Variants in PLA2G4C observed in about 807,000 individuals in gnomAD.
The protein encoded by PLA2G4C is phospholipase A2 group IVC.
Under a neutral mutation model 73.8 loss-of-function variants are expected in PLA2G4C, and 64 were observed. The observed-to-expected ratio is 0.87, with a 90% CI of 0.71 to 1.07. The LOEUF is 1.07. Ranked by LOEUF, PLA2G4C falls within the 50% of genes least tolerant of loss-of-function variation. The pLI is 0.00. For missense variants in PLA2G4C, 622 were observed against 665.4 expected (o/e 0.93, Z 0.72); for synonymous variants, 254 against 252.1 (o/e 1.01, Z -0.07).
chr19:48,105,911 C>T (rs60778172), intron 2 of PLA2G4C, among the ~76,000 whole-genome samples: 7 of 7,606 alleles, frequency 9.2e-4, no homozygotes, highest in African/African-American at 6.9e-3. Context: ...CCCTCCCTCC[C>T]TCCCTCCCTC....
chr19:48,055,552 T>C (rs777343705), intron 14 of PLA2G4C, among the ~76,000 whole-genome samples: 3 of 151,956 alleles, frequency 2.0e-5, no homozygotes, highest in African/African-American at 7.3e-5. Flanking sequence ...ATCTCTGTAA[T>C]AGCCACCTCA....
intron 13 of PLA2G4C, among the ~76,000 whole-genome samples, chr19:48,063,551 TC>T (rs1307455013): frequency 6.8e-4 from 39 of 57,466 alleles, no homozygotes; most frequent in African/African-American, 1.6e-3. Flanking sequence ...GATAAGCCCC[TC>T]CCCCCCACCC....
intron 4 of PLA2G4C, 186 bp from the exon 5 acceptor site, chr19:48,100,046 CA>C: frequency 2.0e-6 from 1 of 493,536 alleles, no homozygotes; most frequent in Non-Finnish European, 3.6e-6. Context: ...AAGGAGGACT[CA>C]AAATCATCTG....
intron 6 of PLA2G4C, 60 bp downstream of exon 6, chr19:48,098,079 A>C (rs2031693193): frequency 3.2e-6 from 5 of 1,568,274 alleles, no homozygotes; most frequent in East Asian, 2.3e-5. Flanking sequence ...ACATTCTTCC[A>C]TTCCACTCCG....
chr19:48,051,027 G>A (rs1967705670), intron 16 of PLA2G4C, among the ~76,000 whole-genome samples: 1 of 152,112 alleles, frequency 6.6e-6, no homozygotes, highest in South Asian at 2.1e-4. Flanking sequence ...TTAATCTAAG[G>A]ATCCTGAGAT....
chr19:48,083,890 C>G (rs1368607158), intron 10 of PLA2G4C, among the ~76,000 whole-genome samples: 1 of 151,992 alleles, frequency 6.6e-6, no homozygotes, highest in South Asian at 2.1e-4. Context: ...CCTATAGATC[C>G]CTGTGTCTGC....
rs975207912 is a variant in PLA2G4C, at chr19:48,057,849, C to G, written c.1258-2800G>C. ...CTAACAGTTTTCTACATATACTTAT[C>G]TTTAGAGACAGGATCTTGCTGTGTC... On this transcript the variant is annotated intron_variant, in intron 14 of 16. Coordinates refer to ENST00000599921, the MANE Select transcript of PLA2G4C (RefSeq NM_003706.3). Among the ~76,000 whole-genome samples the G allele has an allele frequency of 3.7e-4, 55 of 149,356 alleles. 1 individual carries two copies. The highest frequency in any genetic ancestry group is 4.0e-4 in the Non-Finnish European group (27 of 67,172).
At chr19:48,074,097 C>G (rs1407924273) in intron 12 of PLA2G4C, among the ~76,000 whole-genome samples, 1 of 152,018 alleles carries the variant, frequency 6.6e-6, no homozygotes, top group African/African-American at 2.4e-5. Flanking sequence ...GTATTAAGCC[C>G]CACATGCATT....
At position 48,053,376 on chromosome 19, in the gene PLA2G4C, T is replaced by C. The variant is rs545700058; in HGVS notation, c.1430-229A>G. On this transcript the variant is annotated intron_variant, in intron 15 of 16. Transcript: ENST00000599921. The stretch of plus-strand genomic sequence containing the variant: ...CCGGTCCTTTTTTCTTTTTTTTTTT[T>C]TTTTTTTTTTGAGACAGAGGCTCGC... 3.1e-4 allele frequency among the ~76,000 whole-genome samples: 45 copies of C among 146,770 alleles called. 2 individuals are homozygous for C. The South Asian group carries it at 9.8e-3, about 32-fold the overall frequency.
chr19:48,106,520 ACC>A lies in PLA2G4C; in HGVS notation c.8_8+1del. 6.2e-7 allele frequency: 1 copy of A among 1,609,748 alleles called. No individual in the cohort carries two copies. Reference sequence around the variant, plus strand: ...ATAGTGGTCAGCTCTAAGAGGACTTACCTTCCCATGGTGCACTGCGGTCAGAA... The same window carrying A: ...ATAGTGGTCAGCTCTAAGAGGACTTATTCCCATGGTGCACTGCGGTCAGAA... On this transcript the variant is annotated splice_donor_variant and coding_sequence_variant, in exon 2 of 17. Transcript: ENST00000599921. LOFTEE classifies it high-confidence loss of function.
At chr19:48,098,116 C>T in intron 6 of PLA2G4C, 23 bp downstream of exon 6, 4 of 1,611,008 alleles carry the variant, frequency 2.5e-6, no homozygotes, top group Non-Finnish European at 3.4e-6. Context: ...ACTACCTCTC[C>T]CTCCCTCTAA....
At chr19:48,089,445 G>A (rs928511567) in intron 8 of PLA2G4C, among the ~76,000 whole-genome samples, 4 of 152,060 alleles carry the variant, frequency 2.6e-5, no homozygotes, top group Non-Finnish European at 5.9e-5. Flanking sequence ...AAAAGTCAAA[G>A]TGTAAGAACT....
Position 48,095,594 on chromosome 19 carries a change from G to C in PLA2G4C, c.579C>G (p.Phe193Leu), listed in dbSNP as rs566570586. The change falls in exon 7 of 17, where the codon TTC (phenylalanine) becomes TTG (leucine). Residue 193 changes from phenylalanine to leucine, a missense_variant. Coordinates refer to ENST00000599921, the MANE Select transcript of PLA2G4C (RefSeq NM_003706.3). ...AGCCAGCGTGGTGAGGGGTGAACTCGAACCAGGTCTCTGCAGAGGAAATAC... is the reference window on the plus strand; with the variant it reads ...AGCCAGCGTGGTGAGGGGTGAACTCCAACCAGGTCTCTGCAGAGGAAATAC... ...WQEARAPETWFEFTPHHAGFS... is the reference protein window; with the variant it reads ...WQEARAPETWLEFTPHHAGFS... The C allele has an allele frequency of 1.2e-6, 2 of 1,613,920 alleles. No homozygotes were observed. The highest frequency in any genetic ancestry group is 1.7e-6 in the Non-Finnish European group (2 of 1,179,980).
chr19:48,067,619 C>T (rs1273661567), intron 13 of PLA2G4C, among the ~76,000 whole-genome samples, 172 bp downstream of exon 13: 64 of 152,186 alleles, frequency 4.2e-4, no homozygotes, highest in Non-Finnish European at 1.6e-4. Context: ...GTATGGACCA[C>T]ACCACTGAGC....
chr19:48,066,973 A>C (rs779249992), intron 13 of PLA2G4C, among the ~76,000 whole-genome samples: 1 of 151,782 alleles, frequency 6.6e-6, no homozygotes, highest in Non-Finnish European at 1.5e-5. Flanking sequence ...ACACACACAC[A>C]CACACACACA....
At position 48,080,172 on chromosome 19, in the gene PLA2G4C, A is replaced by G. The variant is rs938183340; in HGVS notation, c.845-2348T>C. Among the ~76,000 whole-genome samples the G allele has an allele frequency of 2.6e-5, 4 of 152,338 alleles. No individual in the cohort carries two copies. The South Asian group carries it at 8.3e-4, about 32-fold the overall frequency. On this transcript the variant is annotated intron_variant, in intron 10 of 16. Transcript: ENST00000599921. ...CACCGAAAAGCATCCCAATGATATG[A>G]ATAGACATTTCTCAAAAGAAGATAT...
At chr19:48,076,725 A>C (rs2030182902) in intron 11 of PLA2G4C, among the ~76,000 whole-genome samples, 1 of 150,872 alleles carries the variant, frequency 6.6e-6, no homozygotes, top group African/African-American at 2.4e-5. Flanking sequence ...CCTGGGTGAC[A>C]CGGCTAGACT....
At chr19:48,109,966 A>G (rs2032409795) in intron 1 of PLA2G4C, among the ~76,000 whole-genome samples, 2 of 145,856 alleles carry the variant, frequency 1.4e-5, no homozygotes, top group Non-Finnish European at 3.0e-5. Flanking sequence ...TTTTATAAGG[A>G]GAGATTAGGG....
chr19:48,053,786 T>C (rs1967822387), intron 15 of PLA2G4C, among the ~76,000 whole-genome samples: 1 of 152,164 alleles, frequency 6.6e-6, no homozygotes, highest in Non-Finnish European at 1.5e-5. Flanking sequence ...AGACACAATT[T>C]ATCCCTAATG....
Sources: allele counts gnomAD v4.1 joint callset (sites outside exome capture counted in the v4.1 genomes callset), GRCh38; gene constraint gnomAD v4.1.1; transcripts MANE v1.5; gene names NCBI Gene and HGNC (gene_info 2026-07-23, HGNC 2026-07-21).